The following ERBB4 variants were observed in gnomAD, a reference collection of about 807,000 sequenced individuals.
ERBB4 encodes erb-b2 receptor tyrosine kinase 4.
A neutral mutation model predicts 158.0 loss-of-function variants in ERBB4; 42 were observed. The observed-to-expected ratio is 0.27, with a 90% confidence interval of 0.21 to 0.34. The LOEUF is 0.34. ERBB4 is among the 10% of genes least tolerant of loss of function. ERBB4 has a pLI of 1.00. For missense variants in ERBB4, 1,333 were observed against 1,624.1 expected (o/e 0.82, Z 3.08); for synonymous variants, 583 against 558.7 (o/e 1.04, Z -0.61).
intron 2 of ERBB4, among the ~76,000 whole-genome samples, chr2:212,089,773 T>C (rs1291043063): frequency 6.6e-6 from 1 of 152,160 alleles, no homozygotes; most frequent in Non-Finnish European, 1.5e-5. Flanking sequence ...CAGTCTCAGG[T>C]ATTTGTTTAC....
intron 2 of ERBB4, among the ~76,000 whole-genome samples, chr2:212,027,719 T>C (rs2076806345): frequency 6.6e-6 from 1 of 152,112 alleles, no homozygotes; most frequent in African/African-American, 2.4e-5. Context: ...TTTTACTCTC[T>C]GGCCAGAGAA....
intron 2 of ERBB4, among the ~76,000 whole-genome samples, chr2:211,998,684 C>A (rs2076029761): frequency 1.3e-5 from 2 of 151,948 alleles, no homozygotes; most frequent in South Asian, 2.1e-4. Flanking sequence ...GAGATCTCTG[C>A]AACAAATGTC....
chr2:211,506,512 G>A (rs975627208), intron 20 of ERBB4, among the ~76,000 whole-genome samples: 1 of 151,756 alleles, frequency 6.6e-6, no homozygotes, highest in Non-Finnish European at 1.5e-5. Context: ...CATATGCTTG[G>A]CAATAAGGCA....
intron 1 of ERBB4, among the ~76,000 whole-genome samples, chr2:212,247,009 T>C (rs545903720): frequency 6.6e-6 from 1 of 152,228 alleles, no homozygotes; most frequent in Non-Finnish European, 1.5e-5. Flanking sequence ...AAAATGTGAG[T>C]CATTCAAAAA....
intron 1 of ERBB4, among the ~76,000 whole-genome samples, chr2:212,131,455 C>T (rs2080105114): frequency 6.6e-6 from 1 of 152,136 alleles, no homozygotes; most frequent in Non-Finnish European, 1.5e-5. Flanking sequence ...TCTCTGACCA[C>T]CTTATTTAAA....
chr2:211,428,531 A>G, intron 21 of ERBB4, 48 bp from the exon 22 acceptor site: 1 of 1,016,060 alleles, frequency 9.8e-7, no homozygotes, highest in South Asian at 1.3e-5. Context: ...TTAAAAATTC[A>G]TTTCTATATG....
intron 4 of ERBB4, among the ~76,000 whole-genome samples, chr2:211,751,010 T>G (rs1399028819): frequency 6.6e-6 from 1 of 152,214 alleles, no homozygotes; most frequent in Non-Finnish European, 1.5e-5. Flanking sequence ...AAGTTTCACT[T>G]TCACTGTTCA....
intron 2 of ERBB4, among the ~76,000 whole-genome samples, chr2:212,002,129 A>G (rs2076120215): frequency 6.6e-6 from 1 of 152,182 alleles, no homozygotes; most frequent in African/African-American, 2.4e-5. Context: ...TCCCACTTCC[A>G]GCTCCCATTA....
chr2:212,182,357 T>A (rs2081894966), intron 1 of ERBB4, among the ~76,000 whole-genome samples: 1 of 151,868 alleles, frequency 6.6e-6, no homozygotes, highest in African/African-American at 2.4e-5. Context: ...TGACAGTTTT[T>A]TTGATCCATC....
At chr2:212,259,902 T>C (rs1043326604) in intron 1 of ERBB4, among the ~76,000 whole-genome samples, 2 of 152,008 alleles carry the variant, frequency 1.3e-5, no homozygotes, top group Non-Finnish European at 2.9e-5. Context: ...AAACCCTGTC[T>C]GTACTAAAAA....
chr2:211,667,462 T>G (rs866752727), intron 14 of ERBB4, among the ~76,000 whole-genome samples: 6 of 149,602 alleles, frequency 4.0e-5, no homozygotes, highest in Middle Eastern at 3.4e-3. Flanking sequence ...AAAAAAAGCC[T>G]ATAAAACCTA....
intron 1 of ERBB4, among the ~76,000 whole-genome samples, chr2:212,433,037 G>A (rs981939908): frequency 6.6e-6 from 1 of 152,022 alleles, no homozygotes; most frequent in African/African-American, 2.4e-5. Flanking sequence ...CCCTTCATAT[G>A]TCCCAGAGCT....
At chr2:211,678,303 A>ACAAAC (rs145479396) in intron 13 of ERBB4, among the ~76,000 whole-genome samples, 9 of 108,032 alleles carry the variant, frequency 8.3e-5, no homozygotes, top group African/African-American at 1.9e-4. Context: ...AAACAAACAA[A>ACAAAC]AAAAAACAAA....
At chr2:211,653,184 G>A (rs187112136) in intron 16 of ERBB4, among the ~76,000 whole-genome samples, 350 of 152,172 alleles carry the variant, frequency 2.3e-3, no homozygotes, top group African/African-American at 8.0e-3. Context: ...TATTTTTAAG[G>A]CACTTAATTC....
Position 212,333,801 on chromosome 2 carries a change from T to C in ERBB4, c.82+204648A>G, listed in dbSNP as rs967659684. On this transcript the variant is annotated intron_variant, in intron 1 of 27. Coordinates refer to ENST00000342788, the MANE Select transcript of ERBB4 (RefSeq NM_005235.3). ...CTGGTCATTATGATGAGCTTGTTTG[T>C]GAACCAGAATTTTGGAACTACTGAT... Among the ~76,000 whole-genome samples the C allele has an allele frequency of 4.9e-4, 74 of 152,150 alleles. 1 individual carries two copies. Among genetic ancestry groups the C allele is most frequent in the African/African-American group, 1.7e-3 (72 of 41,550 alleles).
intron 25 of ERBB4, among the ~76,000 whole-genome samples, chr2:211,397,125 C>A (rs1012175834): frequency 2.6e-5 from 4 of 151,836 alleles, no homozygotes; most frequent in African/African-American, 9.7e-5. Context: ...AAGGCAACAC[C>A]CCAAGAGAAA....
chr2:211,573,466 C>T (rs1300709930), intron 19 of ERBB4, among the ~76,000 whole-genome samples: 2 of 152,026 alleles, frequency 1.3e-5, no homozygotes, highest in Non-Finnish European at 2.9e-5. Context: ...GTCAGGAGAT[C>T]GAGACCATCC....
At chr2:211,740,912 CTTAA>C in intron 5 of ERBB4, among the ~76,000 whole-genome samples, 1 of 152,210 alleles carries the variant, frequency 6.6e-6, no homozygotes. Context: ...GCCCAGCCTA[CTTAA>C]TTATTTCTTT....
chr2:212,097,206 A>G (rs1025095598), intron 2 of ERBB4, among the ~76,000 whole-genome samples: 21 of 152,168 alleles, frequency 1.4e-4, no homozygotes, highest in Admixed American at 1.4e-3. Flanking sequence ...GTCAACAGTC[A>G]TAATTTCATC....
Sources: allele counts gnomAD v4.1 joint callset (sites outside exome capture counted in the v4.1 genomes callset), GRCh38; gene constraint gnomAD v4.1.1; transcripts MANE v1.5; gene names NCBI Gene and HGNC (gene_info 2026-07-23, HGNC 2026-07-21).